DPP10: variants seen among roughly 807,000 people sequenced by gnomAD.
DPP10 encodes dipeptidyl peptidase like 10.
Under a neutral mutation model 120.9 loss-of-function variants are expected in DPP10, and 33 were observed. That is an observed-to-expected ratio of 0.27 (90% CI 0.21 to 0.37). The LOEUF is 0.37. Ranked by LOEUF, DPP10 falls within the 10% of genes least tolerant of loss-of-function variation. The pLI is 1.00. For missense variants in DPP10, 816 were observed against 942.8 expected (o/e 0.87, Z 1.76); for synonymous variants, 337 against 326.1 (o/e 1.03, Z -0.36).
At chr2:115,081,025 T>C (rs1708231827) in intron 1 of DPP10, among the ~76,000 whole-genome samples, 1 of 152,272 alleles carries the variant, frequency 6.6e-6, no homozygotes, top group Admixed American at 6.5e-5. Context: ...GTTGCTGTTC[T>C]TCACCTGTGG....
intron 1 of DPP10, among the ~76,000 whole-genome samples, chr2:114,815,615 T>C (rs1685576185): frequency 6.6e-6 from 1 of 152,232 alleles, no homozygotes; most frequent in Non-Finnish European, 1.5e-5. Flanking sequence ...AGCTGCCTAA[T>C]GGTTGACCTT....
At chr2:115,557,287 C>T (rs1217697863) in intron 5 of DPP10, among the ~76,000 whole-genome samples, 2 of 151,956 alleles carry the variant, frequency 1.3e-5, no homozygotes, top group African/African-American at 4.8e-5. Flanking sequence ...TAAGGGCTAA[C>T]AAATTTTAAA....
chr2:115,273,025 CT>C (rs113745670), intron 1 of DPP10, among the ~76,000 whole-genome samples: 45 of 147,200 alleles, frequency 3.1e-4, no homozygotes, highest in South Asian at 4.4e-4. Context: ...TCAGGAAAAA[CT>C]TTTTTTTTTT....
At chr2:114,744,041 A>T (rs944864164) in intron 1 of DPP10, among the ~76,000 whole-genome samples, 1 of 152,194 alleles carries the variant, frequency 6.6e-6, no homozygotes, top group African/African-American at 2.4e-5. Flanking sequence ...TTTGAAGTGG[A>T]CTTGAAGCAA....
chr2:114,643,274 C>A (rs999582572), intron 1 of DPP10, among the ~76,000 whole-genome samples: 1 of 151,834 alleles, frequency 6.6e-6, no homozygotes, highest in Non-Finnish European at 1.5e-5. Flanking sequence ...CAGCCAGGGG[C>A]AGGGAGGGCA....
intron 1 of DPP10, chr2:115,144,178 CA>C (rs2051085636): frequency 6.6e-6 from 1 of 152,180 alleles, no homozygotes; most frequent in Non-Finnish European, 1.5e-5. Flanking sequence ...CTCCCCCAAC[CA>C]ATTCCTGAAA....
chr2:114,547,308 C>T (rs900219298), intron 1 of DPP10, among the ~76,000 whole-genome samples: 5 of 152,228 alleles, frequency 3.3e-5, no homozygotes, highest in South Asian at 2.1e-4. Context: ...TGCCCAGTCA[C>T]GGCTGCTGCT....
intron 7 of DPP10, among the ~76,000 whole-genome samples, chr2:115,719,099 A>G (rs2092579154): frequency 1.3e-5 from 2 of 152,132 alleles, no homozygotes; most frequent in Admixed American, 6.5e-5. Flanking sequence ...AGTTTTATGA[A>G]CTGACATAGC....
At chr2:115,031,397 G>A (rs535971222) in intron 1 of DPP10, among the ~76,000 whole-genome samples, 3 of 152,212 alleles carry the variant, frequency 2.0e-5, no homozygotes, top group Admixed American at 1.3e-4. Context: ...ATTAGAGTTG[G>A]CTTGGTTTAT....
chr2:114,833,059 AAG>A (rs1397531414), intron 1 of DPP10, among the ~76,000 whole-genome samples: 1 of 152,132 alleles, frequency 6.6e-6, no homozygotes, highest in East Asian at 1.9e-4. Flanking sequence ...GAAACTAAAA[AAG>A]AAATTTTTTT....
At chr2:115,745,240 A>G (rs73950508) in intron 9 of DPP10, among the ~76,000 whole-genome samples, 3,725 of 117,076 alleles carry the variant, frequency 0.032, 201 homozygotes, top group African/African-American at 0.088. Context: ...TTCACGTTGC[A>G]CTGTTTGCTT....
intron 19 of DPP10, among the ~76,000 whole-genome samples, chr2:115,800,082 C>T (rs1220725224): frequency 6.6e-6 from 1 of 150,852 alleles, no homozygotes; most frequent in Non-Finnish European, 1.5e-5. Flanking sequence ...TTCTCCACAT[C>T]CTCTCCAGCA....
intron 1 of DPP10, among the ~76,000 whole-genome samples, chr2:115,099,258 G>A (rs111905541): frequency 1.3e-5 from 2 of 152,196 alleles, no homozygotes; most frequent in East Asian, 3.9e-4. Flanking sequence ...AGGTTGCTGC[G>A]AGCCAAGGTT....
intron 1 of DPP10, chr2:115,161,278 C>T (rs186574338): frequency 0.011 from 1,700 of 152,592 alleles, 23 homozygotes; most frequent in African/African-American, 0.029. Flanking sequence ...CACGGGGCTC[C>T]GGGACCCCGG....
chr2:115,610,782 A>C (rs1451455057), intron 5 of DPP10, among the ~76,000 whole-genome samples: 1 of 152,136 alleles, frequency 6.6e-6, no homozygotes, highest in Non-Finnish European at 1.5e-5. Context: ...CAGTACCACT[A>C]CCTTGGTGCA....
chr2:115,723,627 T>TG (rs899706343), intron 7 of DPP10, among the ~76,000 whole-genome samples: 4 of 151,248 alleles, frequency 2.6e-5, no homozygotes, highest in Non-Finnish European at 5.9e-5. Context: ...TTTTTGTTTT[T>TG]TTTTTTTTTT....
chr2:115,592,794 A>G (rs906605576), intron 5 of DPP10, among the ~76,000 whole-genome samples: 4 of 148,798 alleles, frequency 2.7e-5, no homozygotes, highest in Non-Finnish European at 6.0e-5. Flanking sequence ...AAAGAAAGGA[A>G]AAAAACTGAA....
chr2:114,949,599 A>C (rs186591653), intron 1 of DPP10, among the ~76,000 whole-genome samples: 108 of 152,256 alleles, frequency 7.1e-4, no homozygotes, highest in Non-Finnish European at 1.3e-3. Context: ...TTTGCACTTG[A>C]CATGGACCCA....
At chr2:115,695,725 A>C (rs569357776) in intron 7 of DPP10, among the ~76,000 whole-genome samples, 1 of 152,326 alleles carries the variant, frequency 6.6e-6, no homozygotes, top group South Asian at 2.1e-4. Context: ...GAGATACCAA[A>C]ATTATTAGAT....
Sources: gnomAD v4.1 joint callset for allele counts (sites outside exome capture counted in the v4.1 genomes callset) on GRCh38, gnomAD v4.1.1 for gene constraint, MANE v1.5 for transcripts, NCBI Gene and HGNC (gene_info 2026-07-23, HGNC 2026-07-21) for gene names.